ERMP1: variants seen among roughly 807,000 people sequenced by gnomAD.
ERMP1 encodes Felix-ina.
In ERMP1, 86 loss-of-function variants were observed where a neutral mutation model predicts 92.0. That is an observed-to-expected ratio of 0.93 (90% confidence interval 0.79 to 1.12). The LOEUF (loss-of-function observed/expected upper bound fraction) is 1.12, where lower values mean the gene tolerates loss of function less well. Among genes scored for constraint, ERMP1 ranks in the 50% most tolerant of loss-of-function variants. The pLI, the probability that ERMP1 is intolerant of heterozygous loss-of-function variation, is 0.00. For synonymous variants in ERMP1, 530 were observed against 412.8 expected (o/e 1.28, Z -3.44); for missense variants, 1,342 against 1,116.3 (o/e 1.20, Z -2.88).
intron 1 of ERMP1, among the ~76,000 whole-genome samples, chr9:5,831,947 CTT>C (rs1355257252): frequency 6.6e-6 from 1 of 152,188 alleles, no homozygotes; most frequent in African/African-American, 2.4e-5. Flanking sequence ...GCTTGCAACA[CTT>C]TGCATTCTAG....
intron 5 of ERMP1, among the ~76,000 whole-genome samples, chr9:5,861,169 G>T (rs1446763538): frequency 1.5e-5 from 1 of 66,878 alleles, no homozygotes; most frequent in Non-Finnish European, 2.8e-5. Context: ...ATGGCTTAGG[G>T]GGTGTGTGTG....
chr9:5,817,346 T>C (rs1829356402), intron 4 of ERMP1, among the ~76,000 whole-genome samples: 1 of 152,064 alleles, frequency 6.6e-6, no homozygotes, highest in South Asian at 2.1e-4. Flanking sequence ...CCCGCCACCA[T>C]GCCTGGCTAA....
intron 4 of ERMP1, among the ~76,000 whole-genome samples, chr9:5,822,252 AAAAT>A (rs772587198): frequency 1.3e-5 from 2 of 152,090 alleles, no homozygotes; most frequent in African/African-American, 2.4e-5. Context: ...ACCCTGCTTC[AAAAT>A]AAATAAATAA....
intron 4 of ERMP1, among the ~76,000 whole-genome samples, chr9:5,815,941 A>G (rs986146497): frequency 1.3e-5 from 2 of 152,134 alleles, no homozygotes; most frequent in Non-Finnish European, 2.9e-5. Context: ...TTAAAATATT[A>G]CTATTTGATA....
chr9:5,865,768 G>C (rs1046359529), intron 5 of ERMP1, among the ~76,000 whole-genome samples: 4 of 148,856 alleles, frequency 2.7e-5, no homozygotes, highest in African/African-American at 9.9e-5. Flanking sequence ...AAACTGGGAG[G>C]AGGAGGTTGC....
chr9:5,836,197 T>C (rs903858207), upstream of ERMP1, among the ~76,000 whole-genome samples: 2 of 152,248 alleles, frequency 1.3e-5, no homozygotes, highest in African/African-American at 4.8e-5. Flanking sequence ...CTGTCAGGAT[T>C]CAGGTGAACT....
intron 6 of ERMP1, among the ~76,000 whole-genome samples, chr9:5,844,402 G>A (rs1274670108): frequency 2.0e-5 from 3 of 152,176 alleles, no homozygotes; most frequent in Non-Finnish European, 4.4e-5. Flanking sequence ...AGCCTTCTGA[G>A]TAGCTCTTAT....
chr9:5,787,645 A>C (rs769712962), intron 13 of ERMP1, 52 bp from the exon 14 acceptor site: 1 of 1,554,370 alleles, frequency 6.4e-7, no homozygotes, highest in South Asian at 1.2e-5. Flanking sequence ...AGGATCAAAA[A>C]AATAACCCAC....
chr9:5,860,678 G>A (rs1280115070), intron 5 of ERMP1, among the ~76,000 whole-genome samples: 1 of 150,992 alleles, frequency 6.6e-6, no homozygotes, highest in African/African-American at 2.4e-5. Flanking sequence ...CGAACTCCTG[G>A]CCTCAAGCAA....
intron 6 of ERMP1, among the ~76,000 whole-genome samples, chr9:5,841,162 T>C (rs1226352935): frequency 6.6e-6 from 1 of 152,222 alleles, no homozygotes; most frequent in Non-Finnish European, 1.5e-5. Flanking sequence ...AAGTCTTTAG[T>C]TCCCCTTGGT....
chr9:5,825,325 C>T (rs1829692098), intron 2 of ERMP1, 106 bp from the exon 3 acceptor site: 1 of 1,073,688 alleles, frequency 9.3e-7, no homozygotes, highest in Admixed American at 2.8e-5. Context: ...ATCACAATAG[C>T]TGCATGACCA....
In ERMP1 at chr9:5,805,804, T is replaced by C. The variant is rs761471133; in HGVS notation, c.1549-19A>G. ...TGGCATTCTGAAAGAAAGAAAAATA[T>C]ACAAGTAGTCTCATTCAGGGGTCAT... On this transcript the variant is annotated intron_variant, in intron 8 of 14. Coordinates refer to ENST00000339450, the MANE Select transcript of ERMP1 (RefSeq NM_024896.3). 2.1e-5 allele frequency: 33 copies of C among 1,577,578 alleles called. No individual in the cohort carries two copies. The highest frequency in any genetic ancestry group is 2.0e-4 in the South Asian group (17 of 85,024).
At chr9:5,793,693 G>C (rs1828297020) in intron 13 of ERMP1, among the ~76,000 whole-genome samples, 1 of 152,028 alleles carries the variant, frequency 6.6e-6, no homozygotes, top group South Asian at 2.1e-4. Flanking sequence ...AAAATTAGCA[G>C]CGATAAAGAG....
intron 4 of ERMP1, among the ~76,000 whole-genome samples, chr9:5,820,128 G>A (rs572132941): frequency 6.6e-5 from 10 of 152,128 alleles, no homozygotes; most frequent in East Asian, 5.8e-4. Context: ...GTGAAACCCC[G>A]TCTCCACTAA....
At chr9:5,797,721 T>C in intron 13 of ERMP1, 96 bp downstream of exon 13, 1 of 741,694 alleles carries the variant, frequency 1.3e-6, no homozygotes, top group Non-Finnish European at 2.3e-6. Context: ...CCTAAGTTGC[T>C]GGTTCCTGTG....
chr9:5,801,323 G>A lies in ERMP1; in HGVS notation c.1920C>T (p.Asn640=), dbSNP rs374900411. 2 of 1,609,534 alleles carry A rather than the reference G, an allele frequency of 1.2e-6. No individual in the cohort carries two copies. The highest frequency in any genetic ancestry group is 2.2e-5 in the East Asian group (1 of 44,722). The change falls in exon 11 of 15, where the codon AAC becomes AAT. Residue 640 remains asparagine (N), a synonymous_variant. Coordinates refer to ENST00000339450, the MANE Select transcript of ERMP1 (RefSeq NM_024896.3). The part of the protein sequence containing the change: ...CTMILSSYFI[N]FIYLAKSTKK... ...TTGTGCTCTTGGCAAGGTAGATGAA[G>A]TTAATCTGAAACACAAACCACAAAC...
chr9:5,828,128 GTC>G (rs1382134433), intron 2 of ERMP1, among the ~76,000 whole-genome samples: 3 of 152,220 alleles, frequency 2.0e-5, no homozygotes, highest in African/African-American at 2.4e-5. Flanking sequence ...GTGAGAACCT[GTC>G]TCTATTATTT....
chr9:5,823,855 C>A (rs1426641216), intron 4 of ERMP1, 41 bp downstream of exon 4: 1 of 1,357,004 alleles, frequency 7.4e-7, no homozygotes, highest in East Asian at 2.3e-5. Flanking sequence ...TTTACAAAAA[C>A]TAGAATTGCA....
intron 6 of ERMP1, among the ~76,000 whole-genome samples, chr9:5,844,642 G>C (rs766918564): frequency 1.3e-5 from 2 of 152,196 alleles, no homozygotes; most frequent in Non-Finnish European, 2.9e-5. Context: ...CCTTTGCGGA[G>C]AACTGTCAAG....
Sources: allele counts gnomAD v4.1 joint callset (sites outside exome capture counted in the v4.1 genomes callset), GRCh38; gene constraint gnomAD v4.1.1; transcripts MANE v1.5; gene names NCBI Gene and HGNC (gene_info 2026-07-23, HGNC 2026-07-21).